FOXP1: variants seen among roughly 807,000 people sequenced by gnomAD.
FOXP1 encodes forkhead box protein P1.
A neutral mutation model predicts 98.2 loss-of-function variants in FOXP1; 15 were observed. The observed-to-expected ratio is 0.15, with a 90% CI of 0.10 to 0.24. The LOEUF (loss-of-function observed/expected upper bound fraction) is 0.24. Ranked by LOEUF, FOXP1 falls within the 10% of genes least tolerant of loss-of-function variation. The pLI, the probability that FOXP1 is intolerant of heterozygous loss-of-function variation, is 1.00. For synonymous variants in FOXP1, 371 were observed against 314.5 expected, an observed-to-expected ratio of 1.18 and a Z score of -1.90; for missense variants, 633 against 848.5, an observed-to-expected ratio of 0.75 and a Z score of 3.15.
intron 3 of FOXP1, among the ~76,000 whole-genome samples, chr3:71,385,161 T>C (rs2080473507): frequency 1.3e-5 from 2 of 151,736 alleles, no homozygotes; most frequent in African/African-American, 4.8e-5. Context: ...GCAATGCTTC[T>C]CATATGCATT....
At chr3:71,165,203 C>T (rs917830926) in intron 6 of FOXP1, among the ~76,000 whole-genome samples, 4 of 139,946 alleles carry the variant, frequency 2.9e-5, no homozygotes, top group South Asian at 2.3e-4. Flanking sequence ...TTTTATAAAA[C>T]GTTACTAGGA....
Position 71,295,103 on chromosome 3 carries a change from T to A in FOXP1, c.-12+4717A>T, listed in dbSNP as rs1030242713. Among the ~76,000 whole-genome samples the A allele has an allele frequency of 2.0e-5, 3 of 152,180 alleles. No homozygotes were observed. The East Asian group carries it at 5.8e-4, about 29-fold the overall frequency. ...CCCAGGCATGAGTGTACTGTATGTG[T>A]GTACGGGGGATCAGGGAGCATTTCA... On this transcript the variant is annotated intron_variant, in intron 5 of 20. Coordinates refer to ENST00000649528, the MANE Select transcript of FOXP1 (RefSeq NM_001349338.3).
chr3:71,487,531 G>T lies in FOXP1; in HGVS notation c.-168+5895C>A, dbSNP rs145918269. 3.3e-5 allele frequency among the ~76,000 whole-genome samples: 5 copies of T among 152,294 alleles called. No individual in the cohort carries two copies. In the East Asian group the frequency reaches 9.6e-4, roughly 29 times the overall value. ...GGTGACTCTGTAAGCCTGCCTACAA[G>T]AATTTAGGTGGAATAATTCTGAGGC... On this transcript the variant is annotated intron_variant, in intron 3 of 20. Coordinates refer to ENST00000649528, the MANE Select transcript of FOXP1 (RefSeq NM_001349338.3).
rs2107149049 is a variant in FOXP1 at position 70,970,504 on chromosome 3, A to C, written c.1722+232T>G. ...AATTATGATACTGCTGATAAATATTAATAAGTGAACTTTTAATTTTTTTGC... is the reference window on the plus strand; with the variant it reads ...AATTATGATACTGCTGATAAATATTCATAAGTGAACTTTTAATTTTTTTGC... On this transcript the variant is annotated intron_variant, in intron 19 of 20. Transcript: ENST00000649528. The C allele has an allele frequency of 1.9e-5, 10 of 538,828 alleles. No individual in the cohort carries two copies. In the South Asian group the frequency reaches 2.1e-4, roughly 11 times the overall value. The allele number at this position is 538,828 out of a possible 1,614,324, so 33.4% of individuals were successfully genotyped here. A position where few individuals can be genotyped will look rare whatever the true frequency, so the allele number is the denominator to read the frequency against.
chr3:70,963,569 C>A (rs181591872), intron 20 of FOXP1, among the ~76,000 whole-genome samples: 2 of 152,164 alleles, frequency 1.3e-5, no homozygotes, highest in Non-Finnish European at 2.9e-5. Context: ...CTCCTACTTC[C>A]GAAAGGGCTA....
chr3:71,451,761 A>G (rs1430785301), intron 3 of FOXP1, among the ~76,000 whole-genome samples: 1 of 152,242 alleles, frequency 6.6e-6, no homozygotes, highest in Non-Finnish European at 1.5e-5. Flanking sequence ...CCTATTTTTA[A>G]GCGAAATGAA....
intron 4 of FOXP1, among the ~76,000 whole-genome samples, chr3:71,308,296 T>C: frequency 6.6e-6 from 1 of 152,096 alleles, no homozygotes; most frequent in Non-Finnish European, 1.5e-5. Flanking sequence ...GTCACTGACT[T>C]TTCATATGCA....
intron 11 of FOXP1, among the ~76,000 whole-genome samples, chr3:71,040,898 G>A (rs1171176799): frequency 6.6e-6 from 1 of 152,140 alleles, no homozygotes; most frequent in Admixed American, 6.6e-5. Context: ...CAGCCTTCAA[G>A]GGGAGCAATG....
intron 6 of FOXP1, among the ~76,000 whole-genome samples, chr3:71,124,132 TATA>T (rs1216249072): frequency 8.5e-6 from 1 of 117,192 alleles, no homozygotes; most frequent in African/African-American, 2.7e-5. Flanking sequence ...AAGTTAAAGT[TATA>T]TTTTTTTAAA....
chr3:71,539,460 C>T (rs1197343153), intron 2 of FOXP1, among the ~76,000 whole-genome samples: 2 of 151,208 alleles, frequency 1.3e-5, no homozygotes. Context: ...ATTCTGGCTT[C>T]CTGGCATTTC....
chr3:71,013,947 A>G (rs1377004086), intron 12 of FOXP1, among the ~76,000 whole-genome samples: 2 of 152,238 alleles, frequency 1.3e-5, no homozygotes, highest in Non-Finnish European at 2.9e-5. Context: ...GGCTAGCCAT[A>G]TGGAGAAAGC....
chr3:71,254,154 C>T (rs985910467), intron 5 of FOXP1, among the ~76,000 whole-genome samples: 5 of 152,124 alleles, frequency 3.3e-5, no homozygotes, highest in African/African-American at 1.2e-4. Flanking sequence ...AACCTCCATG[C>T]CTTAATAAGT....
intron 4 of FOXP1, among the ~76,000 whole-genome samples, chr3:71,322,011 C>G (rs968404905): frequency 6.6e-6 from 1 of 152,110 alleles, no homozygotes; most frequent in Non-Finnish European, 1.5e-5. Flanking sequence ...GTAATGAGAT[C>G]TGTGTGTCAG....
At chr3:70,970,546 CTAAGCATCCCGCTAACGCT>C in intron 19 of FOXP1, 171 bp downstream of exon 19, 2 of 602,896 alleles carry the variant, frequency 3.3e-6, no homozygotes, top group Non-Finnish European at 5.9e-6. Context: ...ATTCAAAATG[CTAAGCATCCCGCTAACGCT>C]GAAGCAGCCC....
rs2032225888 is a variant in FOXP1, at chr3:70,957,991, T to C, written c.*1256A>G. 4.1e-6 allele frequency: 1 copy of C among 241,818 alleles called. No individual in the cohort carries two copies. Among genetic ancestry groups the C allele is most frequent in the African/African-American group, 2.2e-5 (1 of 44,942 alleles). The allele number at this position is 241,818 out of a possible 1,614,324, so 15.0% of individuals were successfully genotyped here. On this transcript the variant is annotated 3_prime_UTR_variant, in exon 21 of 21. Transcript: ENST00000649528. ...AGGGCAGCTGCTCGGGGAAGCCGGT[T>C]TTTTTTTTTGGCCATTTTGCAAACA...
intron 2 of FOXP1, among the ~76,000 whole-genome samples, chr3:71,568,540 T>C (rs2047091832): frequency 6.6e-6 from 1 of 152,178 alleles, no homozygotes; most frequent in Non-Finnish European, 1.5e-5. Context: ...TGCCATCACC[T>C]TCTTGAAATA....
intron 2 of FOXP1, among the ~76,000 whole-genome samples, chr3:71,528,183 G>C (rs1458378623): frequency 6.6e-6 from 1 of 152,058 alleles, no homozygotes; most frequent in African/African-American, 2.4e-5. Context: ...TACACCTCCC[G>C]GCATTTGTTC....
At chr3:71,409,139 A>T (rs1382187880) in intron 3 of FOXP1, among the ~76,000 whole-genome samples, 1 of 152,086 alleles carries the variant, frequency 6.6e-6, no homozygotes, top group African/African-American at 2.4e-5. Flanking sequence ...CTTCCCTCAA[A>T]TATTCTCATG....
chr3:71,384,440 C>T (rs1003231317), intron 3 of FOXP1, among the ~76,000 whole-genome samples: 7 of 152,150 alleles, frequency 4.6e-5, no homozygotes, highest in African/African-American at 1.7e-4. Flanking sequence ...AAATCCACCA[C>T]GAAAACAAAG....
Sources: gnomAD v4.1 joint callset for allele counts (sites outside exome capture counted in the v4.1 genomes callset) on GRCh38, gnomAD v4.1.1 for gene constraint, MANE v1.5 for transcripts, NCBI Gene and HGNC (gene_info 2026-07-23, HGNC 2026-07-21) for gene names.